Variants in INTU observed in about 807,000 individuals in gnomAD.
INTU encodes the protein inturned planar cell polarity protein.
Under a neutral mutation model 100.5 loss-of-function variants are expected in INTU, and 68 were observed. That is an observed-to-expected ratio of 0.68 (90% CI 0.56 to 0.83). The LOEUF is 0.83. Ranked by LOEUF, INTU falls within the 40% of genes least tolerant of loss-of-function variation. The probability of loss-of-function intolerance (pLI) is 0.00; values close to 1 mark genes in which losing one functional copy is unlikely to be tolerated. For missense variants in INTU, 1,071 were observed against 1,114.7 expected (o/e 0.96, Z 0.56); for synonymous variants, 357 against 395.7 (o/e 0.90, Z 1.16).
intron 6 of INTU, among the ~76,000 whole-genome samples, chr4:127,680,209 A>G (rs1729460458): frequency 6.6e-6 from 1 of 152,158 alleles, no homozygotes; most frequent in South Asian, 2.1e-4. Context: ...TTCTGAAACT[A>G]TTCCAATCAA....
rs1402201941 is a variant in INTU, at chr4:127,705,661, G to A, written c.1637G>A (p.Cys546Tyr). ...ATTGCCGTATACTGTCGCCACTATTGCCTGCTGCCTTTAGCAGCAAAACAA... is the reference window on the plus strand; with the variant it reads ...ATTGCCGTATACTGTCGCCACTATTACCTGCTGCCTTTAGCAGCAAAACAA... ...IDIAVYCRHYCLLPLAAKQRI... is the reference protein window; with the variant it reads ...IDIAVYCRHYYLLPLAAKQRI... The change falls in exon 11 of 16, where the codon TGC becomes TAC. Residue 546 changes from cysteine (C) to tyrosine (Y), a missense_variant. Transcript: ENST00000335251. 1.9e-6 allele frequency: 3 copies of A among 1,613,816 alleles called. No individual in the cohort carries two copies. The highest frequency in any genetic ancestry group is 8.5e-7 in the Non-Finnish European group (1 of 1,179,814).
In INTU at chr4:127,716,908, C is replaced by CT. The variant is rs1483383397; in HGVS notation, c.*473dup. The stretch of plus-strand genomic sequence containing the variant: ...ACCATGAGCAAGTTTTTGTACCTCT[C>CT]TAAGCTCAGAGTTTTCATGTAAAAT... On this transcript the variant is annotated 3_prime_UTR_variant, in exon 16 of 16. Coordinates refer to ENST00000335251, the MANE Select transcript of INTU (RefSeq NM_015693.4). 2 of 152,162 alleles carry CT rather than the reference C, an allele frequency of 1.3e-5. No individual in the cohort carries two copies. The highest frequency in any genetic ancestry group is 6.5e-5 in the Admixed American group (1 of 15,274). The allele number at this position is 152,162 out of a possible 1,614,324, so 9.4% of individuals were successfully genotyped here.
At position 127,726,451 on chromosome 4, in the gene INTU, T is replaced by A. The variant is rs1376230080; in HGVS notation, c.*10015T>A. On this transcript the variant is annotated 3_prime_UTR_variant, in exon 16 of 16. Transcript: ENST00000335251. ...CTGCTACCATTTATTATTATCATTA[T>A]TAAATATCCATTGGTTGAAAAACCA... 1 of 152,254 alleles carries A rather than the reference T, an allele frequency of 6.6e-6. No individual in the cohort carries two copies. The allele number at this position is 152,254 out of a possible 1,614,324, so 9.4% of individuals were successfully genotyped here.
rs1430595497 is a variant in INTU, at chr4:127,711,093, G to C, written c.2550G>C (p.Leu850Phe). The change falls in exon 14 of 16, where the codon TTG (leucine) becomes TTC (phenylalanine). Residue 850 changes from leucine (L) to phenylalanine (F), a missense_variant. Transcript: ENST00000335251. Reference sequence around the variant, plus strand: ...TTCGTGCAGTTTTCCAACAGACATTGGTGGAAGAGGTAGGGCACTGCTATA... The same window carrying C: ...TTCGTGCAGTTTTCCAACAGACATTCGTGGAAGAGGTAGGGCACTGCTATA... The part of the protein sequence containing the change: ...LSIRAVFQQT[L>F]VEEKKKGLNS... 1.9e-6 allele frequency: 3 copies of C among 1,585,966 alleles called. No homozygotes were observed. In the African/African-American group the frequency reaches 4.0e-5, roughly 21 times the overall value.
At chr4:127,644,134 A>G in intron 2 of INTU, 78 bp downstream of exon 2, 1 of 1,420,042 alleles carries the variant, frequency 7.0e-7, no homozygotes, top group Non-Finnish European at 9.6e-7. Context: ...AAATGTGATA[A>G]AAACAATTAT....
chr4:127,656,739 C>G lies in INTU; in HGVS notation c.768+18C>G. 2.7e-6 allele frequency: 4 copies of G among 1,491,910 alleles called. No homozygotes were observed. The highest frequency in any genetic ancestry group is 3.7e-6 in the Non-Finnish European group (4 of 1,079,830). The allele number at this position is 1,491,910 out of a possible 1,614,324, so 92.4% of individuals were successfully genotyped here. On this transcript the variant is annotated intron_variant, in intron 3 of 15. Transcript: ENST00000335251. ...CTATGCAGGTATGGACATTCTTTTT[C>G]TATATTTTATGATGTTACATAAAAT... is the stretch of plus-strand genomic sequence containing the variant.
At chr4:127,652,097 T>G (rs1283309617) in intron 2 of INTU, among the ~76,000 whole-genome samples, 5 of 136,460 alleles carry the variant, frequency 3.7e-5, no homozygotes, top group East Asian at 2.1e-4. Context: ...TGAAGTTGCT[T>G]ATCAGCTTAA....
At chr4:127,633,489 G>A (rs551521711) in intron 1 of INTU, among the ~76,000 whole-genome samples, 4 of 152,242 alleles carry the variant, frequency 2.6e-5, no homozygotes, top group Non-Finnish European at 4.4e-5. Context: ...ATCTGTAACA[G>A]CGTTCAAAAA....
chr4:127,700,772 TA>T (rs370306956), intron 9 of INTU, among the ~76,000 whole-genome samples: 1,955 of 137,448 alleles, frequency 0.014, 24 homozygotes, highest in Middle Eastern at 0.032. Flanking sequence ...ATAATGATAC[TA>T]AAAAAAAAAA....
intron 1 of INTU, 63 bp from the exon 2 acceptor site, chr4:127,643,458 G>A: frequency 7.2e-7 from 1 of 1,382,722 alleles, no homozygotes; most frequent in South Asian, 1.5e-5. Context: ...CCCATGCCAG[G>A]ATGACATACC....
chr4:127,643,435 C>T, intron 1 of INTU, 86 bp from the exon 2 acceptor site: 2 of 1,069,908 alleles, frequency 1.9e-6, no homozygotes, highest in Non-Finnish European at 2.7e-6. Context: ...GCTCCCCAGC[C>T]CCAACCCTCA....
rs773232305 is a variant in INTU at position 127,643,591 on chromosome 4, G to T, written c.217G>T (p.Asp73Tyr). The stretch of plus-strand genomic sequence containing the variant: ...GCTGTTTTATTTGGAATTGAGTGAG[G>T]ATGAAGAAGAAAGCCTCCTTCCTGA... ...GELFYLELSEDEEESLLPETP... is the reference protein window; with the variant it reads ...GELFYLELSEYEEESLLPETP... The change falls in exon 2 of 16, where the codon GAT (aspartate) becomes TAT (tyrosine). Residue 73 changes from aspartate (D) to tyrosine (Y), a missense_variant. Asp to Tyr is a radical substitution (Grantham distance 160, BLOSUM62 -3). Coordinates refer to ENST00000335251, the MANE Select transcript of INTU (RefSeq NM_015693.4). The T allele has an allele frequency of 6.2e-6, 10 of 1,612,896 alleles. No homozygotes were observed. The Admixed American group carries it at 1.5e-4, about 24-fold the overall frequency.
chr4:127,696,115 A>T (rs1362599206), intron 8 of INTU, among the ~76,000 whole-genome samples: 1 of 151,896 alleles, frequency 6.6e-6, no homozygotes, highest in Non-Finnish European at 1.5e-5. Context: ...AGGTTTTTGA[A>T]TGTATGTTCT....
intron 3 of INTU, among the ~76,000 whole-genome samples, chr4:127,658,590 A>G (rs746206261): frequency 3.9e-5 from 6 of 152,140 alleles, no homozygotes; most frequent in Non-Finnish European, 7.4e-5. Context: ...TTTCTTGCCT[A>G]TGTTGGTTGC....
At chr4:127,651,766 G>A (rs1456731539) in intron 2 of INTU, among the ~76,000 whole-genome samples, 2 of 150,982 alleles carry the variant, frequency 1.3e-5, no homozygotes, top group African/African-American at 2.5e-5. Context: ...AAAGTCATTG[G>A]TAGCTTTATG....
In INTU at chr4:127,716,668, T is replaced by A. The variant is rs1731271427; in HGVS notation, c.*232T>A. The A allele has an allele frequency of 7.1e-6, 2 of 282,198 alleles. No homozygotes were observed. Among genetic ancestry groups the A allele is most frequent in the Non-Finnish European group, 1.3e-5 (2 of 153,256 alleles). 17.5% of individuals were successfully genotyped at this position (282,198 alleles called of 1,614,324 possible). On this transcript the variant is annotated 3_prime_UTR_variant, in exon 16 of 16. Coordinates refer to ENST00000335251, the MANE Select transcript of INTU (RefSeq NM_015693.4). ...ATTAAAATGTGAAAGAAGGGATTGT[T>A]AACTTATTGCTATTTTGGTATATAA...
intron 13 of INTU, among the ~76,000 whole-genome samples, chr4:127,709,075 C>T (rs1437244310): frequency 6.6e-6 from 1 of 152,194 alleles, no homozygotes; most frequent in Non-Finnish European, 1.5e-5. Flanking sequence ...CCTCACAGCT[C>T]CCCTAGCCTT....
In INTU at chr4:127,720,039, T is replaced by C. The variant is rs1324145438; in HGVS notation, c.*3603T>C. Reference sequence around the variant, plus strand: ...TCTGCTGGCTTTTGGGTTTGTTTGCTCTTGGTTCACTAGTTCTTTTAGTTG... The same window carrying C: ...TCTGCTGGCTTTTGGGTTTGTTTGCCCTTGGTTCACTAGTTCTTTTAGTTG... On this transcript the variant is annotated 3_prime_UTR_variant, in exon 16 of 16. Transcript: ENST00000335251. 6.6e-6 allele frequency: 1 copy of C among 152,162 alleles called. No individual in the cohort carries two copies. The allele number at this position is 152,162 out of a possible 1,614,324, so 9.4% of individuals were successfully genotyped here.
chr4:127,655,952 A>T (rs6810904), intron 2 of INTU, among the ~76,000 whole-genome samples: 65,913 of 149,388 alleles, frequency 0.44, 13,863 homozygotes, highest in South Asian at 0.61. Flanking sequence ...CCGGTCCGAA[A>T]AGCGCAATAT....
Sources: allele counts gnomAD v4.1 joint callset (sites outside exome capture counted in the v4.1 genomes callset), GRCh38; gene constraint gnomAD v4.1.1; transcripts MANE v1.5; gene names NCBI Gene and HGNC (gene_info 2026-07-23, HGNC 2026-07-21).